UPRT: variants seen among roughly 807,000 people sequenced by gnomAD.
The protein encoded by UPRT is RP11-311P8.3.
UPRT carries 5 observed loss-of-function variants against 22.6 expected under a neutral mutation model. That is an observed-to-expected ratio of 0.22 (90% CI 0.12 to 0.47). The LOEUF is 0.47. Ranked by LOEUF, UPRT falls within the 20% of genes least tolerant of loss-of-function variation. UPRT has a pLI of 0.99. For missense variants in UPRT, 181 were observed against 239.9 expected (o/e 0.75, Z 1.62); for synonymous variants, 77 against 87.7 (o/e 0.88, Z 0.68).
intron 4 of UPRT, among the ~76,000 whole-genome samples, chrX:75,265,821 G>C (rs2082586495): frequency 1.8e-5 from 2 of 110,838 alleles, no homozygotes; most frequent in Admixed American, 9.7e-5. Flanking sequence ...ATCTACCTTT[G>C]GTCTTTGATG....
At chrX:75,206,198 GAC>G (rs2082366089) in intron 4 of UPRT, among the ~76,000 whole-genome samples, 2 of 110,804 alleles carry the variant, frequency 1.8e-5, no homozygotes, top group African/African-American at 3.3e-5. Context: ...GAATAGAAGT[GAC>G]AGTGTGTGCC....
chrX:75,263,816 T>C (rs1322014754), intron 4 of UPRT, among the ~76,000 whole-genome samples: 1 of 111,309 alleles, frequency 9.0e-6, no homozygotes, highest in South Asian at 3.9e-4. Flanking sequence ...TGTTAGGGTG[T>C]CAATTTTGGA....
At chrX:75,215,329 A>G (rs918520507) in intron 4 of UPRT, among the ~76,000 whole-genome samples, 2 of 111,368 alleles carry the variant, frequency 1.8e-5, no homozygotes, top group Non-Finnish European at 3.8e-5. Flanking sequence ...AAGGAAGCAA[A>G]TTAAATCCAA....
chrX:75,179,472 A>G (rs1441163301), intron 4 of UPRT, among the ~76,000 whole-genome samples: 1 of 113,455 alleles, frequency 8.8e-6, no homozygotes, highest in African/African-American at 3.2e-5. Flanking sequence ...ATCCTACACC[A>G]GGGCTGCAGG....
intron 4 of UPRT, among the ~76,000 whole-genome samples, chrX:75,195,823 C>G (rs184826232): frequency 8.9e-6 from 1 of 112,030 alleles, no homozygotes; most frequent in Admixed American, 9.4e-5. Context: ...CCAGTCTTCC[C>G]AATGTCCTAG....
chrX:75,276,978 G>A (rs747744016), intron 1 of UPRT, among the ~76,000 whole-genome samples: 1 of 111,717 alleles, frequency 9.0e-6, no homozygotes, highest in African/African-American at 3.2e-5. Flanking sequence ...TATAAAAAAT[G>A]TCTATTCTGG....
intron 4 of UPRT, among the ~76,000 whole-genome samples, chrX:75,247,196 C>T (rs755563590): frequency 1.3e-4 from 14 of 111,253 alleles, no homozygotes; most frequent in East Asian, 5.7e-4. Flanking sequence ...ACTGAGGTTC[C>T]GGGTTCATCT....
chrX:75,201,883 C>T (rs996104513), intron 4 of UPRT: 7 of 112,149 alleles, frequency 6.2e-5, no homozygotes, highest in African/African-American at 9.8e-5. Flanking sequence ...AACTCTTCTC[C>T]TAGAGCAATG....
At chrX:75,234,334 A>AAG (rs2082451409) in intron 4 of UPRT, among the ~76,000 whole-genome samples, 1 of 111,057 alleles carries the variant, frequency 9.0e-6, no homozygotes, top group Admixed American at 9.6e-5. Flanking sequence ...CACATTAATA[A>AAG]TGGGAGACTT....
chrX:75,165,855 A>G (rs138582091), intron 3 of UPRT, among the ~76,000 whole-genome samples: 3,191 of 111,234 alleles, frequency 0.029, 117 homozygotes, highest in African/African-American at 0.1. Context: ...CTCCTGCCTC[A>G]GCCTCCCAAA....
chrX:75,292,613 T>A (rs1453048362), intron 1 of UPRT, among the ~76,000 whole-genome samples: 1 of 111,725 alleles, frequency 9.0e-6, no homozygotes, highest in East Asian at 2.8e-4. Flanking sequence ...TTTTGGAGAA[T>A]ACTTTAGGTG....
At chrX:75,185,696 A>G (rs1197932162) in intron 4 of UPRT, among the ~76,000 whole-genome samples, 1 of 111,933 alleles carries the variant, frequency 8.9e-6, no homozygotes, top group Non-Finnish European at 1.9e-5. Context: ...CCACAATTTC[A>G]GATCCTGTTA....
chrX:75,258,012 C>T (rs1024999225), intron 4 of UPRT, among the ~76,000 whole-genome samples: 4 of 109,826 alleles, frequency 3.6e-5, no homozygotes, highest in African/African-American at 6.6e-5. Flanking sequence ...CCTACCCAAG[C>T]GAAGCCATGG....
intron 4 of UPRT, among the ~76,000 whole-genome samples, chrX:75,267,653 A>C (rs1421625866): frequency 8.9e-6 from 1 of 112,201 alleles, no homozygotes; most frequent in Non-Finnish European, 1.9e-5. Flanking sequence ...CCTCCTCCTG[A>C]ATGACTACTG....
intron 4 of UPRT, among the ~76,000 whole-genome samples, chrX:75,185,992 T>G (rs1321279479): frequency 1.8e-5 from 1 of 54,158 alleles, no homozygotes; most frequent in African/African-American, 3.9e-5. Context: ...TCATTAATTT[T>G]TTGAAGGGTT....
intron 4 of UPRT, among the ~76,000 whole-genome samples, chrX:75,197,103 AG>A (rs2082334790): frequency 9.0e-6 from 1 of 111,438 alleles, no homozygotes; most frequent in East Asian, 2.8e-4. Context: ...CTCACTGAAC[AG>A]GGGAAATTGT....
At chrX:75,217,607 G>T (rs950576615) in intron 4 of UPRT, among the ~76,000 whole-genome samples, 1 of 111,886 alleles carries the variant, frequency 8.9e-6, no homozygotes, top group African/African-American at 3.3e-5. Flanking sequence ...CTCTCTGTTT[G>T]TCTGTTGTTG....
Position 75,262,141 on chromosome X carries a change from A to G in UPRT, c.-446-28883A>G, listed in dbSNP as rs775292766. 1.8e-5 allele frequency among the ~76,000 whole-genome samples: 2 copies of G among 111,747 alleles called. 1 individual carries two copies. The highest frequency in any genetic ancestry group is 7.4e-4 in the South Asian group (2 of 2,688). On this transcript the variant is annotated intron_variant, in intron 4 of 13. Coordinates refer to the UPRT transcript ENST00000652605. ...TGGGAGCCAATATTCAACATTCTTA[A>G]AGAAAAGAATTTTCAACCCAGAATT...
intron 4 of UPRT, among the ~76,000 whole-genome samples, chrX:75,260,041 C>T (rs186373972): frequency 3.7e-4 from 41 of 111,958 alleles, no homozygotes; most frequent in Middle Eastern, 4.6e-3. Flanking sequence ...AAATCCTTTA[C>T]AGACAAGCAA....
Sources: allele counts gnomAD v4.1 joint callset (sites outside exome capture counted in the v4.1 genomes callset), GRCh38; gene constraint gnomAD v4.1.1; transcripts MANE v1.5; gene names NCBI Gene and HGNC (gene_info 2026-07-23, HGNC 2026-07-21).